Variants in FHL2 observed in about 807,000 individuals in gnomAD.
FHL2 encodes four and a half LIM domains protein 2.
A neutral mutation model predicts 32.7 loss-of-function variants in FHL2; 20 were observed. The observed-to-expected ratio is 0.61, with a 90% CI of 0.43 to 0.89. FHL2 has a LOEUF of 0.89. Ranked by LOEUF, FHL2 falls within the 40% of genes least tolerant of loss-of-function variation. The probability of loss-of-function intolerance (pLI) is 0.00; values close to 1 mark genes in which losing one functional copy is unlikely to be tolerated. For synonymous variants in FHL2, 123 were observed against 128.1 expected (o/e 0.96, Z 0.27); for missense variants, 311 against 358.6 (o/e 0.87, Z 1.07).
intron 1 of FHL2, among the ~76,000 whole-genome samples, chr2:105,412,541 G>A (rs548173314): frequency 1.4e-4 from 22 of 152,290 alleles, no homozygotes; most frequent in Admixed American, 1.4e-3. Flanking sequence ...ATGAACATAG[G>A]GGTCATTAGC....
chr2:105,371,503 C>T (rs1318507533), intron 4 of FHL2, among the ~76,000 whole-genome samples: 1 of 151,574 alleles, frequency 6.6e-6, no homozygotes, highest in Non-Finnish European at 1.5e-5. Context: ...TCTATAGATT[C>T]CAGACTTACC....
chr2:105,375,586 T>G (rs6543287), intron 3 of FHL2: 69,110 of 152,322 alleles, frequency 0.45, 16,767 homozygotes, highest in African/African-American at 0.63. Flanking sequence ...TGCACAGCCT[T>G]GGTGACAGAA....
Position 105,367,554 on chromosome 2 carries a change from G to A in FHL2, c.501+16C>T, listed in dbSNP as rs767774355. 7.5e-6 allele frequency: 12 copies of A among 1,603,970 alleles called. No individual in the cohort carries two copies. In the South Asian group the frequency reaches 8.9e-5, roughly 12 times the overall value. On this transcript the variant is annotated intron_variant, in intron 5 of 6. Transcript: ENST00000530340. ...CCAGCCAGAACGTGCAAGGGCCAAG[G>A]GGGCATCTGAGATACCTTTTTGCAC... is the stretch of plus-strand genomic sequence containing the variant.
chr2:105,390,949 A>G (rs776219260), intron 2 of FHL2, among the ~76,000 whole-genome samples: 1 of 150,858 alleles, frequency 6.6e-6, no homozygotes. Context: ...GGCACACGCC[A>G]CCACACTCAG....
intron 1 of FHL2, among the ~76,000 whole-genome samples, chr2:105,417,684 C>CAAAAAAAAAAAA (rs11353319): frequency 2.2e-5 from 2 of 89,396 alleles, no homozygotes; most frequent in African/African-American, 4.4e-5. Flanking sequence ...ACTCCATCTC[C>CAAAAAAAAAAAA]AAAAAAAAAA....
At chr2:105,390,814 T>TC (rs1682670952) in intron 2 of FHL2, among the ~76,000 whole-genome samples, 1 of 142,548 alleles carries the variant, frequency 7.0e-6, no homozygotes, top group African/African-American at 2.6e-5. Flanking sequence ...TTTTTTTTTT[T>TC]GAGACAGAGT....
intron 1 of FHL2, among the ~76,000 whole-genome samples, chr2:105,408,538 C>G (rs1280637440): frequency 1.3e-5 from 2 of 152,196 alleles, no homozygotes; most frequent in East Asian, 3.9e-4. Context: ...AGCCAGTTGG[C>G]TTTGTATCGA....
intron 3 of FHL2, among the ~76,000 whole-genome samples, chr2:105,382,209 G>C (rs992169867): frequency 6.6e-6 from 1 of 152,286 alleles, no homozygotes. Flanking sequence ...AACAACTTGA[G>C]CCTCAATTCT....
At chr2:105,402,032 A>AAT (rs547135605), upstream of FHL2, among the ~76,000 whole-genome samples, 204 of 149,916 alleles carry the variant, frequency 1.4e-3, 1 homozygote, top group African/African-American at 4.7e-3. Context: ...TATATACACG[A>AAT]ATATATATAT....
Position 105,396,669 on chromosome 2 carries a change from A to T in FHL2, c.-47T>A, listed in dbSNP as rs1443163690. ...CACCCCAAAGTCAAAATGCCAGCCT[A>T]GTCTCCAGGAAGACACAGTTCTCAG... is the stretch of plus-strand genomic sequence containing the variant. On this transcript the variant is annotated 5_prime_UTR_variant, in exon 2 of 7. Coordinates refer to ENST00000530340, the MANE Select transcript of FHL2 (RefSeq NM_001318895.3). 6.2e-6 allele frequency: 10 copies of T among 1,612,766 alleles called. No homozygotes were observed. Among genetic ancestry groups the T allele is most frequent in the African/African-American group, 1.3e-5 (1 of 74,952 alleles).
chr2:105,363,432 A>G lies in FHL2; in HGVS notation c.541T>C (p.Trp181Arg). 3.1e-6 allele frequency: 5 copies of G among 1,612,522 alleles called. No individual in the cohort carries two copies. In the South Asian group the frequency reaches 5.5e-5, roughly 18 times the overall value. The change falls in exon 6 of 7, where the codon TGG (tryptophan) becomes CGG (arginine). Residue 181 changes from tryptophan to arginine, a missense_variant. Trp to Arg is a moderately radical substitution (Grantham distance 101). Coordinates refer to ENST00000530340, the MANE Select transcript of FHL2 (RefSeq NM_001318895.3). ...TGGVTYREQP[W>R]HKECFVCTAC... The stretch of plus-strand genomic sequence containing the variant: ...GTGCACACGAAGCACTCCTTGTGCC[A>G]GGGCTGCTCCCGGTAAGTGACCCCT...
chr2:105,402,796 C>T (rs2104644594), upstream of FHL2, among the ~76,000 whole-genome samples: 1 of 152,314 alleles, frequency 6.6e-6, no homozygotes, highest in Non-Finnish European at 1.5e-5. Context: ...TCTTGTACAT[C>T]ATTATATTCC....
rs561992234 is a variant in FHL2 at position 105,420,477 on chromosome 2, G to A, written c.-25+17922C>T. 3.0e-4 allele frequency among the ~76,000 whole-genome samples: 46 copies of A among 152,154 alleles called. 1 individual carries two copies. Among genetic ancestry groups the A allele is most frequent in the Non-Finnish European group, 5.1e-4 (35 of 68,010 alleles). On this transcript the variant is annotated intron_variant, in intron 1 of 5. Transcript: ENST00000393352. The stretch of plus-strand genomic sequence containing the variant: ...AGGCCATAGAGTTATTAGGAGTTAC[G>A]GCTTCAGCATATCAATTTGGGGGAG...
intron 1 of FHL2, among the ~76,000 whole-genome samples, chr2:105,432,843 C>T (rs891999545): frequency 1.4e-4 from 21 of 152,326 alleles, no homozygotes; most frequent in Admixed American, 3.3e-4. Flanking sequence ...GTAAAAAACA[C>T]GTCCTTGTGC....
At chr2:105,434,521 T>C (rs995634336) in intron 1 of FHL2, among the ~76,000 whole-genome samples, 1 of 151,932 alleles carries the variant, frequency 6.6e-6, no homozygotes, top group Non-Finnish European at 1.5e-5. Context: ...TGAGCTGAGA[T>C]CTTGCCACTG....
At chr2:105,430,366 A>G (rs1051038208) in intron 1 of FHL2, among the ~76,000 whole-genome samples, 10 of 152,300 alleles carry the variant, frequency 6.6e-5, no homozygotes, top group Non-Finnish European at 1.2e-4. Flanking sequence ...CTCTTCCTCC[A>G]AAATAAAACC....
upstream of FHL2, chr2:105,399,522 G>T (rs948916399): frequency 6.5e-7 from 1 of 1,536,124 alleles, no homozygotes; most frequent in Non-Finnish European, 8.7e-7. Flanking sequence ...GCTTCTTTAC[G>T]AAATGAACAC....
At chr2:105,407,388 T>C (rs1683668508) in intron 1 of FHL2, among the ~76,000 whole-genome samples, 1 of 124,434 alleles carries the variant, frequency 8.0e-6, no homozygotes, top group African/African-American at 3.2e-5. Context: ...CGAGACTCTG[T>C]CTCAAAAAAA....
chr2:105,389,458 C>T (rs1213750550), intron 2 of FHL2, among the ~76,000 whole-genome samples: 1 of 152,230 alleles, frequency 6.6e-6, no homozygotes, highest in Non-Finnish European at 1.5e-5. Flanking sequence ...GGACAAGAGG[C>T]TCACTGCCCA....
Sources: allele counts gnomAD v4.1 joint callset (sites outside exome capture counted in the v4.1 genomes callset), GRCh38; gene constraint gnomAD v4.1.1; transcripts MANE v1.5; gene names NCBI Gene and HGNC (gene_info 2026-07-23, HGNC 2026-07-21).